RASD2: variants seen among roughly 807,000 people sequenced by gnomAD.
RASD2 encodes the protein RASD family member 2.
RASD2 carries 7 observed loss-of-function variants against 15.8 expected under a neutral mutation model. The observed-to-expected ratio is 0.44, with a 90% CI of 0.25 to 0.83. The LOEUF is 0.83. Among genes scored for constraint, RASD2 ranks in the 40% least tolerant of loss-of-function variants. The pLI is 0.20. For synonymous variants in RASD2, 155 were observed against 153.6 expected (o/e 1.01, Z -0.07); for missense variants, 274 against 382.8 (o/e 0.72, Z 2.37).
At chr22:35,544,353 CT>C (rs1167248774) in intron 1 of RASD2, among the ~76,000 whole-genome samples, 1 of 152,080 alleles carries the variant, frequency 6.6e-6, no homozygotes, top group Non-Finnish European at 1.5e-5. Context: ...TGGCAGCCCC[CT>C]CTCCACCCTC....
rs1338403205 is a variant in RASD2 at position 35,552,246 on chromosome 22, TCTC to T, written c.*218_*220del. The T allele has an allele frequency of 1.6e-6, 1 of 623,658 alleles. No homozygotes were observed. The allele number at this position is 623,658 out of a possible 1,614,324, so 38.6% of individuals were successfully genotyped here. ...TGTCCACAGCTCCTTGGTGGTTTCA[TCTC>T]CTCTGTGGGAGGACACATCTCTGCA... On this transcript the variant is annotated 3_prime_UTR_variant, in exon 3 of 3. Transcript: ENST00000216127.
chr22:35,537,543 C>T (rs1250620206), upstream of RASD2, among the ~76,000 whole-genome samples: 1 of 152,182 alleles, frequency 6.6e-6, no homozygotes, highest in African/African-American at 2.4e-5. Flanking sequence ...AACAACTCCA[C>T]GAGGCAGCTA....
intron 2 of RASD2, among the ~76,000 whole-genome samples, chr22:35,548,548 A>G (rs1934573963): frequency 6.6e-6 from 1 of 151,880 alleles, no homozygotes; most frequent in Non-Finnish European, 1.5e-5. Flanking sequence ...TAACCCCCCA[A>G]CTGAGGTACT....
chr22:35,553,529 C>T lies in RASD2; in HGVS notation c.*1497C>T, dbSNP rs986761495. The stretch of plus-strand genomic sequence containing the variant: ...AGGTTCAGAGAGGGTAAGTAACTTC[C>T]TCCAGGTCACACAGCAAGTCTGTGG... On this transcript the variant is annotated 3_prime_UTR_variant, in exon 3 of 3. Coordinates refer to ENST00000216127, the MANE Select transcript of RASD2 (RefSeq NM_014310.4). 1.3e-5 allele frequency: 2 copies of T among 152,296 alleles called. No homozygotes were observed. Among genetic ancestry groups the T allele is most frequent in the East Asian group, 3.9e-4 (2 of 5,192 alleles). 9.4% of individuals were successfully genotyped at this position (152,296 alleles called of 1,614,324 possible).
At chr22:35,536,779 G>A (rs193121829), upstream of RASD2, among the ~76,000 whole-genome samples, 2 of 152,338 alleles carry the variant, frequency 1.3e-5, no homozygotes, top group East Asian at 3.9e-4. Flanking sequence ...CACTCCCAAA[G>A]CTTCAGGTTC....
rs1206068862 is a variant in RASD2 at position 35,541,155 on chromosome 22, C to T, written c.-355C>T. ...CCAGCCCGAGAGCCCCAGGCGGGGA[C>T]CCCCGGATCGGACGTCCCCAAGCCT... On this transcript the variant is annotated 5_prime_UTR_variant, in exon 1 of 3. Coordinates refer to ENST00000216127, the MANE Select transcript of RASD2 (RefSeq NM_014310.4). 6.6e-6 allele frequency: 1 copy of T among 152,242 alleles called. No homozygotes were observed. The highest frequency in any genetic ancestry group is 1.5e-5 in the Non-Finnish European group (1 of 68,116). 9.4% of individuals were successfully genotyped at this position (152,242 alleles called of 1,614,324 possible).
At chr22:35,538,013 T>C (rs1934268658), upstream of RASD2, among the ~76,000 whole-genome samples, 2 of 151,702 alleles carry the variant, frequency 1.3e-5, no homozygotes, top group Non-Finnish European at 2.9e-5. Flanking sequence ...TGACACGATC[T>C]CGGCTCACTG....
chr22:35,533,379 A>C, the RASD2 span, among the ~76,000 whole-genome samples: 1 of 152,242 alleles, frequency 6.6e-6, no homozygotes, highest in South Asian at 2.1e-4. Flanking sequence ...TTTGGACCAC[A>C]CTGGGCCCAG....
At chr22:35,537,744 G>C (rs1334573894), upstream of RASD2, among the ~76,000 whole-genome samples, 1 of 152,106 alleles carries the variant, frequency 6.6e-6, no homozygotes, top group Non-Finnish European at 1.5e-5. Flanking sequence ...GTAGGAGTTT[G>C]ATGGGTAAAT....
upstream of RASD2, among the ~76,000 whole-genome samples, chr22:35,537,462 G>C (rs892109863): frequency 6.6e-6 from 1 of 152,218 alleles, no homozygotes; most frequent in East Asian, 1.9e-4. Flanking sequence ...AAGTAACACC[G>C]GCTACGGAGG....
rs111349898 is a variant in RASD2 at position 35,545,623 on chromosome 22, G to A, written c.-9-1178G>A. On this transcript the variant is annotated intron_variant, in intron 1 of 2. Coordinates refer to ENST00000216127, the MANE Select transcript of RASD2 (RefSeq NM_014310.4). The stretch of plus-strand genomic sequence containing the variant: ...TTCAGGGGCTGGAAAGCTCTCCTCT[G>A]GAGAGGGGAGGGATTCCTGCAAGGG... Among the ~76,000 whole-genome samples, 7 of 152,292 alleles carry A rather than the reference G, an allele frequency of 4.6e-5. No homozygotes were observed. In the East Asian group the frequency reaches 1.4e-3, roughly 29 times the overall value.
chr22:35,539,043 C>T (rs1934285292), upstream of RASD2, among the ~76,000 whole-genome samples: 1 of 152,216 alleles, frequency 6.6e-6, no homozygotes, highest in East Asian at 1.9e-4. Context: ...TAAACACAAT[C>T]AGGTAGTACA....
chr22:35,541,907 C>T (rs1352286267), intron 1 of RASD2, among the ~76,000 whole-genome samples: 1 of 152,180 alleles, frequency 6.6e-6, no homozygotes, highest in Admixed American at 6.5e-5. Context: ...CTGGCTGCAG[C>T]CTGCATTACC....
Position 35,543,744 on chromosome 22 carries a change from T to G in RASD2, c.-10+2244T>G, listed in dbSNP as rs73420908. On this transcript the variant is annotated intron_variant, in intron 1 of 2. Transcript: ENST00000216127. Reference sequence around the variant, plus strand: ...CCACAGAGGATTTTTTTTCTCTTTTTCCCCACCCTGATTCCCTGTCTCTTA... The same window carrying G: ...CCACAGAGGATTTTTTTTCTCTTTTGCCCCACCCTGATTCCCTGTCTCTTA... Among the ~76,000 whole-genome samples, 1,069 of 152,190 alleles carry G rather than the reference T, an allele frequency of 7.0e-3. 10 individuals carry two copies. The highest frequency in any genetic ancestry group is 0.025 in the African/African-American group (1,020 of 41,508).
the RASD2 span, among the ~76,000 whole-genome samples, chr22:35,534,684 C>G: frequency 0.092 from 14,071 of 152,224 alleles, 792 homozygotes; most frequent in Admixed American, 0.16. Flanking sequence ...AAAGGGCTGC[C>G]CTGTATGGTT....
chr22:35,540,122 G>A (rs1423303544), upstream of RASD2, among the ~76,000 whole-genome samples: 1 of 152,214 alleles, frequency 6.6e-6, no homozygotes, highest in East Asian at 1.9e-4. Flanking sequence ...GAGGGCACCC[G>A]GGGACTTCCG....
chr22:35,552,860 C>G lies in RASD2; in HGVS notation c.*828C>G, dbSNP rs1934714813. 1 of 152,802 alleles carries G rather than the reference C, an allele frequency of 6.5e-6. No homozygotes were observed. Among genetic ancestry groups the G allele is most frequent in the Non-Finnish European group, 1.5e-5 (1 of 68,170 alleles). The allele number at this position is 152,802 out of a possible 1,614,324, so 9.5% of individuals were successfully genotyped here. A position where few individuals can be genotyped will look rare whatever the true frequency, so the allele number is the denominator to read the frequency against. On this transcript the variant is annotated 3_prime_UTR_variant, in exon 3 of 3. Coordinates refer to ENST00000216127, the MANE Select transcript of RASD2 (RefSeq NM_014310.4). ...CCTCCACCCGGGACGCCTTCCTCCT[C>G]TGCTCCCAAACAGGGTTTCCGTGGC... is the stretch of plus-strand genomic sequence containing the variant.
At chr22:35,538,096 C>A (rs1934270119), upstream of RASD2, among the ~76,000 whole-genome samples, 1 of 151,940 alleles carries the variant, frequency 6.6e-6, no homozygotes. Context: ...TAGGCGCACA[C>A]CACCACGCCT....
intron 2 of RASD2, among the ~76,000 whole-genome samples, chr22:35,549,454 G>A (rs998692522): frequency 2.0e-4 from 30 of 152,246 alleles, no homozygotes; most frequent in African/African-American, 6.5e-4. Flanking sequence ...GCTGCCAGAC[G>A]GGCCGATCTC....
Sources: gnomAD v4.1 joint callset for allele counts (sites outside exome capture counted in the v4.1 genomes callset) on GRCh38, gnomAD v4.1.1 for gene constraint, MANE v1.5 for transcripts, NCBI Gene and HGNC (gene_info 2026-07-23, HGNC 2026-07-21) for gene names.